AP2S1: variants seen among roughly 807,000 people sequenced by gnomAD.
The protein encoded by AP2S1 is adaptor related protein complex 2 subunit sigma 1, also known as AP-2 complex subunit sigma.
Under a neutral mutation model 21.0 loss-of-function variants are expected in AP2S1, and 6 were observed. The ratio of observed to expected loss-of-function variants is 0.29; its 90% CI spans 0.16 to 0.56. The LOEUF (loss-of-function observed/expected upper bound fraction) is 0.56. Ranked by LOEUF, AP2S1 falls within the 20% of genes least tolerant of loss-of-function variation. AP2S1 has a pLI of 0.92. For synonymous variants in AP2S1, 63 were observed against 74.6 expected (o/e 0.84, Z 0.80); for missense variants, 60 against 186.2 (o/e 0.32, Z 3.95).
chr19:46,841,532 C>A lies in AP2S1; in HGVS notation c.154-1954G>T, dbSNP rs187358581. On this transcript the variant is annotated intron_variant, in intron 2 of 4. Transcript: ENST00000263270. ...GGGGCAGGTGTCCCCTCTGAACATC[C>A]CACGCCACTGCCCCACCCCTGCCCT... Among the ~76,000 whole-genome samples, 188 of 152,296 alleles carry A rather than the reference C, an allele frequency of 1.2e-3. 1 individual carries two copies. The highest frequency in any genetic ancestry group is 1.9e-3 in the Non-Finnish European group (126 of 68,026).
intron 2 of AP2S1, among the ~76,000 whole-genome samples, chr19:46,840,555 ACCTGAG>A (rs2055500345): frequency 6.6e-6 from 1 of 151,300 alleles, no homozygotes; most frequent in Non-Finnish European, 1.5e-5. Flanking sequence ...TGGGGAGATG[ACCTGAG>A]CCTGGGAGGT....
At chr19:46,843,079 C>A (rs1239275805) in intron 2 of AP2S1, among the ~76,000 whole-genome samples, 1 of 152,248 alleles carries the variant, frequency 6.6e-6, no homozygotes, top group Non-Finnish European at 1.5e-5. Context: ...TCCGCCTGCC[C>A]TTCCCATCTG....
At chr19:46,844,222 C>T (rs1030301339) in intron 2 of AP2S1, among the ~76,000 whole-genome samples, 1 of 151,938 alleles carries the variant, frequency 6.6e-6, no homozygotes, top group African/African-American at 2.4e-5. Flanking sequence ...AACTTTTCTA[C>T]GGCTCCCATC....
intron 2 of AP2S1, among the ~76,000 whole-genome samples, chr19:46,842,150 C>T (rs1046959064): frequency 6.6e-6 from 1 of 152,018 alleles, no homozygotes; most frequent in East Asian, 1.9e-4. Flanking sequence ...CACTGCACTC[C>T]GGCCTGGGGC....
At chr19:46,850,174 T>C (rs1379499647) in intron 1 of AP2S1, 10 of 1,232,546 alleles carry the variant, frequency 8.1e-6, no homozygotes, top group Non-Finnish European at 1.0e-5. Context: ...TCCCAGACCC[T>C]TAAGTTTCAT....
At chr19:46,846,441 G>GTTTTT (rs1229404009) in intron 1 of AP2S1, among the ~76,000 whole-genome samples, 11 of 104,664 alleles carry the variant, frequency 1.1e-4, no homozygotes, top group South Asian at 2.9e-4. Context: ...ATCTCTCTCT[G>GTTTTT]TTTTTTTTTT....
chr19:46,845,175 G>A lies in AP2S1; in HGVS notation c.153+818C>T, dbSNP rs528140983. ...TGTAATCCCAGCACTTTGGAAGGCC[G>A]AGGAGGGTGGATTACAAGGTCAGGA... On this transcript the variant is annotated intron_variant, in intron 2 of 4. Coordinates refer to ENST00000263270, the MANE Select transcript of AP2S1 (RefSeq NM_004069.6). Among the ~76,000 whole-genome samples, 125 of 150,714 alleles carry A rather than the reference G, an allele frequency of 8.3e-4. 1 individual carries two copies. The highest frequency in any genetic ancestry group is 1.1e-3 in the African/African-American group (44 of 41,014).
intron 2 of AP2S1, among the ~76,000 whole-genome samples, chr19:46,840,866 C>A (rs908663458): frequency 1.3e-5 from 2 of 150,972 alleles, no homozygotes; most frequent in Non-Finnish European, 3.0e-5. Flanking sequence ...TACAGGCGCG[C>A]CACCACACCC....
rs890716450 is a variant in AP2S1, at chr19:46,850,844, C to A, written c.-78G>T. 1.4e-5 allele frequency: 20 copies of A among 1,385,252 alleles called. No homozygotes were observed. In the African/African-American group the frequency reaches 2.1e-4, roughly 15 times the overall value. 85.8% of individuals were successfully genotyped at this position (1,385,252 alleles called of 1,614,324 possible). A position where few individuals can be genotyped will look rare whatever the true frequency, so the allele number is the denominator to read the frequency against. On this transcript the variant is annotated 5_prime_UTR_variant, in exon 1 of 5. Coordinates refer to ENST00000263270, the MANE Select transcript of AP2S1 (RefSeq NM_004069.6). ...TCCGGCTCAGGGTGCAGTTGTAGGGCCCAGAGCTAGAGCGGACTTCCGGTA... is the reference window on the plus strand; with the variant it reads ...TCCGGCTCAGGGTGCAGTTGTAGGGACCAGAGCTAGAGCGGACTTCCGGTA...
chr19:46,841,302 G>A (rs2055516858), intron 2 of AP2S1, among the ~76,000 whole-genome samples: 1 of 152,152 alleles, frequency 6.6e-6, no homozygotes. Context: ...ACGGGTAAAT[G>A]AGCTGACACT....
chr19:46,846,484 G>C (rs1463031321), intron 1 of AP2S1, among the ~76,000 whole-genome samples: 1 of 125,964 alleles, frequency 7.9e-6, no homozygotes, highest in African/African-American at 3.1e-5. Flanking sequence ...GTCTTGCTAC[G>C]TTGCTGGTCT....
intron 2 of AP2S1, chr19:46,839,779 T>G (rs1210774987): frequency 2.4e-6 from 2 of 833,024 alleles, no homozygotes; most frequent in South Asian, 1.8e-5. Flanking sequence ...ATCCCCAGAA[T>G]GGACAGGATG....
At chr19:46,839,772 C>T (rs576876163) in intron 2 of AP2S1, 194 bp from the exon 3 acceptor site, 5 of 912,556 alleles carry the variant, frequency 5.5e-6, no homozygotes, top group Admixed American at 5.5e-5. Flanking sequence ...GGCAGGCATC[C>T]CCAGAATGGA....
intron 2 of AP2S1, among the ~76,000 whole-genome samples, chr19:46,839,895 G>A (rs904644800): frequency 5.9e-5 from 9 of 152,166 alleles, no homozygotes; most frequent in African/African-American, 2.2e-4. Context: ...GGATAGGCAG[G>A]AATGTTCTAA....
At position 46,850,566 on chromosome 19, in the gene AP2S1, A is replaced by T. The variant is rs1157057221; in HGVS notation, c.3+198T>A. 5 of 611,598 alleles carry T rather than the reference A, an allele frequency of 8.2e-6. No homozygotes were observed. The African/African-American group carries it at 9.9e-5, about 12-fold the overall frequency. The allele number at this position is 611,598 out of a possible 1,614,324, so 37.9% of individuals were successfully genotyped here. Reference sequence around the variant, plus strand: ...CACCCCCAATGCCCGTCGCCGCGAGACCCCTGGTAACCCCCGCGCGCAGAA... The same window carrying T: ...CACCCCCAATGCCCGTCGCCGCGAGTCCCCTGGTAACCCCCGCGCGCAGAA... On this transcript the variant is annotated intron_variant, in intron 1 of 4. Transcript: ENST00000263270.
Position 46,838,685 on chromosome 19 carries a change from T to TC in AP2S1, c.327+54dup, listed in dbSNP as rs1464112218. The stretch of plus-strand genomic sequence containing the variant: ...CTCCGGGTGGCTAGTGCACCACGGG[T>TC]CCCCCCCGTCCCCCTCCTCTGGCTC... On this transcript the variant is annotated intron_variant, in intron 4 of 4. Coordinates refer to ENST00000263270, the MANE Select transcript of AP2S1 (RefSeq NM_004069.6). This position sits in a 1 kb window ranked among gnomAD's most constrained non-coding sequence, Gnocchi z 4.1. The TC allele has an allele frequency of 6.9e-6, 11 of 1,596,358 alleles. No individual in the cohort carries two copies. Among genetic ancestry groups the TC allele is most frequent in the African/African-American group, 2.7e-5 (2 of 74,304 alleles).
At chr19:46,842,827 G>C (rs555939669) in intron 2 of AP2S1, among the ~76,000 whole-genome samples, 45 of 152,088 alleles carry the variant, frequency 3.0e-4, no homozygotes, top group Non-Finnish European at 5.6e-4. Context: ...CCAATCTCTT[G>C]GTTCTCCTCT....
Position 46,849,051 on chromosome 19 carries a change from C to T in AP2S1, c.3+1713G>A, listed in dbSNP as rs1290083439. 5.7e-5 allele frequency among the ~76,000 whole-genome samples: 7 copies of T among 121,876 alleles called. No homozygotes were observed. The South Asian group carries it at 1.1e-3, about 19-fold the overall frequency. 80.0% of individuals were successfully genotyped at this position (121,876 alleles called of 152,430 possible). A position where few individuals can be genotyped will look rare whatever the true frequency, so the allele number is the denominator to read the frequency against. On this transcript the variant is annotated intron_variant, in intron 1 of 4. Transcript: ENST00000263270. ...TTTTTGAGACAGAGTCTCACTCTGTCGCCTAGGCCAGTGGCACAATCTCGG... is the reference window on the plus strand; with the variant it reads ...TTTTTGAGACAGAGTCTCACTCTGTTGCCTAGGCCAGTGGCACAATCTCGG...
chr19:46,850,427 C>T, intron 1 of AP2S1: 6 of 905,100 alleles, frequency 6.6e-6, no homozygotes, highest in Non-Finnish European at 8.8e-6. Flanking sequence ...CTCTCCCCAC[C>T]TCCAATGCCT....
Sources: allele counts gnomAD v4.1 joint callset (sites outside exome capture counted in the v4.1 genomes callset), GRCh38; gene constraint gnomAD v4.1.1; non-coding constraint Gnocchi (gnomAD v3.1); transcripts MANE v1.5; gene names NCBI Gene and HGNC (gene_info 2026-07-23, HGNC 2026-07-21).